The following SMG9 variants were observed in gnomAD, a reference collection of about 807,000 sequenced individuals.
The protein encoded by SMG9 is nonsense-mediated mRNA decay factor SMG9.
In SMG9, 55 loss-of-function variants were observed where a neutral mutation model predicts 64.0. That is an observed-to-expected ratio of 0.86 (90% CI 0.69 to 1.08). The LOEUF is 1.08. SMG9 is among the 50% of genes least tolerant of loss of function. The pLI is 0.00. For missense variants in SMG9, 554 were observed against 681.3 expected, an observed-to-expected ratio of 0.81 and a Z score of 2.08; for synonymous variants, 244 against 254.8, an observed-to-expected ratio of 0.96 and a Z score of 0.41.
At chr19:43,734,678 A>C in intron 9 of SMG9, 183 bp from the exon 10 acceptor site, 2 of 505,706 alleles carry the variant, frequency 4.0e-6, no homozygotes, top group African/African-American at 1.9e-5. Context: ...ATACCAACCC[A>C]TGGACTTACC....
intron 9 of SMG9, among the ~76,000 whole-genome samples, chr19:43,735,689 T>C (rs1280041698): frequency 6.6e-6 from 1 of 151,468 alleles, no homozygotes; most frequent in Non-Finnish European, 1.5e-5. Flanking sequence ...TTTAAAATAA[T>C]TTTTTACAAT....
intron 7 of SMG9, chr19:43,739,850 A>G (rs906947500): frequency 6.1e-6 from 3 of 495,200 alleles, no homozygotes; most frequent in African/African-American, 5.8e-5. Context: ...CAGAACACAC[A>G]TTCTCCAGGG....
intron 12 of SMG9, 68 bp from the exon 13 acceptor site, chr19:43,733,070 C>T (rs1241139959): frequency 1.3e-6 from 2 of 1,529,964 alleles, no homozygotes; most frequent in South Asian, 1.3e-5. Context: ...TTAACAGCAT[C>T]CTGGGCTTCA....
Position 43,731,366 on chromosome 19 carries a change from C to T in SMG9, c.*230G>A. On this transcript the variant is annotated 3_prime_UTR_variant, in exon 14 of 14. Coordinates refer to ENST00000270066, the MANE Select transcript of SMG9 (RefSeq NM_019108.4). ...CCTGTGGAGGACACAGGACGGGCTA[C>T]CCCATCTCAGGTTTGGGGTGGGATC... The T allele has an allele frequency of 2.2e-6, 3 of 1,355,122 alleles. No individual in the cohort carries two copies. The highest frequency in any genetic ancestry group is 1.7e-5 in the South Asian group (1 of 58,490). 83.9% of individuals were successfully genotyped at this position (1,355,122 alleles called of 1,614,324 possible).
intron 13 of SMG9, among the ~76,000 whole-genome samples, chr19:43,731,971 T>G (rs1002302070): frequency 6.6e-6 from 1 of 152,234 alleles, no homozygotes; most frequent in African/African-American, 2.4e-5. Flanking sequence ...GCTTTGTGGG[T>G]GAGGGTTCAG....
Position 43,734,422 on chromosome 19 carries a change from A to G in SMG9, c.1069T>C (p.Ser357Pro). ...PSHESSSSSGSDEGTEYYPHL... is the reference protein window; with the variant it reads ...PSHESSSSSGPDEGTEYYPHL... ...GGGTAGTACTCGGTGCCTTCATCGG[A>G]GCCCGATGAGCTGCTGGACTCGTGG... Residue 357 changes from serine to proline, a missense_variant, in exon 10 of 14, where the codon TCC (serine) becomes CCC (proline). Ser to Pro is a moderately conservative substitution (Grantham distance 74, BLOSUM62 -1). Transcript: ENST00000270066. 1 of 1,559,444 alleles carries G rather than the reference A, an allele frequency of 6.4e-7. No individual in the cohort carries two copies. Among genetic ancestry groups the G allele is most frequent in the South Asian group, 1.2e-5 (1 of 84,586 alleles).
intron 8 of SMG9, 143 bp from the exon 9 acceptor site, chr19:43,737,825 C>T (rs1306953161): frequency 9.2e-6 from 7 of 761,710 alleles, no homozygotes; most frequent in Non-Finnish European, 1.3e-5. Context: ...TGTGATGGCA[C>T]TTCCCTTACA....
In SMG9 at chr19:43,750,341, T is replaced by A. The variant is rs1166040800; in HGVS notation, c.150+251A>T. On this transcript the variant is annotated intron_variant, in intron 2 of 13. Coordinates refer to ENST00000270066, the MANE Select transcript of SMG9 (RefSeq NM_019108.4). ...TTCTTTCTGTCTGGAATGCTCTTCATCTCAGATGCTGGCATGGCTTATTCT... is the reference window on the plus strand; with the variant it reads ...TTCTTTCTGTCTGGAATGCTCTTCAACTCAGATGCTGGCATGGCTTATTCT... 17 of 676,738 alleles carry A rather than the reference T, an allele frequency of 2.5e-5. 1 individual carries two copies. The East Asian group carries it at 4.9e-4, about 19-fold the overall frequency. 41.9% of individuals were successfully genotyped at this position (676,738 alleles called of 1,614,324 possible).
In SMG9 at chr19:43,737,448, G is replaced by C. The variant is rs925202380; in HGVS notation, c.995+149C>G. 38 of 621,064 alleles carry C rather than the reference G, an allele frequency of 6.1e-5. No individual in the cohort carries two copies. The Middle Eastern group carries it at 7.8e-4, about 13-fold the overall frequency. 38.5% of individuals were successfully genotyped at this position (621,064 alleles called of 1,614,324 possible). On this transcript the variant is annotated intron_variant, in intron 9 of 13. Coordinates refer to ENST00000270066, the MANE Select transcript of SMG9 (RefSeq NM_019108.4). ...GCTGTGTGTGCGCGCAGTGCTTTGA[G>C]GGGGAGGTTAGATGGGAGTGATTTG...
At chr19:43,740,822 G>A (rs923261683) in intron 6 of SMG9, among the ~76,000 whole-genome samples, 1 of 152,142 alleles carries the variant, frequency 6.6e-6, no homozygotes, top group Admixed American at 6.5e-5. Context: ...ACTTCTACGT[G>A]TGCTGGGTGC....
Position 43,747,901 on chromosome 19 carries a change from C to A in SMG9, c.226-4G>T. 1 of 1,613,120 alleles carries A rather than the reference C, an allele frequency of 6.2e-7. No individual in the cohort carries two copies. Among genetic ancestry groups the A allele is most frequent in the Non-Finnish European group, 8.5e-7 (1 of 1,179,582 alleles). On this transcript the variant is annotated splice_polypyrimidine_tract_variant and splice_region_variant and intron_variant, in intron 3 of 13. Transcript: ENST00000270066. ...TTGGAGGTGGTGGCTGTTTTGACTA[C>A]GGAGGTAAAAAAAATCCCATCAATG...
chr19:43,735,954 C>A (rs1968653472), intron 9 of SMG9, among the ~76,000 whole-genome samples: 3 of 152,196 alleles, frequency 2.0e-5, no homozygotes, highest in African/African-American at 7.2e-5. Context: ...TTGTTCACAC[C>A]TGTGTCCCTA....
At chr19:43,745,719 C>T (rs1463932340) in intron 5 of SMG9, among the ~76,000 whole-genome samples, 2 of 152,008 alleles carry the variant, frequency 1.3e-5, no homozygotes, top group East Asian at 1.9e-4. Context: ...ATACAAAACC[C>T]GGCTGGGTGC....
chr19:43,752,234 T>C (rs346545), intron 1 of SMG9, among the ~76,000 whole-genome samples: 41,681 of 152,130 alleles, frequency 0.27, 6,436 homozygotes, highest in African/African-American at 0.42. Flanking sequence ...GTTTATTCTA[T>C]TTGAGATGTT....
chr19:43,748,608 A>G (rs747543442), intron 2 of SMG9: 2 of 517,354 alleles, frequency 3.9e-6, no homozygotes, highest in African/African-American at 1.9e-5. Context: ...CCTCTGCCTC[A>G]GCCCCCTCCT....
Position 43,728,330 on chromosome 19 carries a change from G to C in SMG9, c.*3266C>G, listed in dbSNP as rs549534818. The C allele has an allele frequency of 4.6e-5, 7 of 152,766 alleles. No homozygotes were observed. Among genetic ancestry groups the C allele is most frequent in the African/African-American group, 9.7e-5 (4 of 41,428 alleles). 9.5% of individuals were successfully genotyped at this position (152,766 alleles called of 1,614,324 possible). A position where few individuals can be genotyped will look rare whatever the true frequency, so the allele number is the denominator to read the frequency against. The stretch of plus-strand genomic sequence containing the variant: ...AAGTGTGTGCCACCTGCCCCCTCTT[G>C]CTCCTGCTCTGGGCATGTGAAGTAC... On this transcript the variant is annotated 3_prime_UTR_variant, in exon 14 of 14. Transcript: ENST00000270066.
Position 43,737,578 on chromosome 19 carries a change from C to T in SMG9, c.995+19G>A, listed in dbSNP as rs770974095. On this transcript the variant is annotated intron_variant, in intron 9 of 13. Transcript: ENST00000270066. ...TGCCTCATTCCTCCTCCCCACCCTC[C>T]AACCCCTCAGCTCCTCACCTGTAGA... 6.2e-7 allele frequency: 1 copy of T among 1,608,472 alleles called. No homozygotes were observed. The highest frequency in any genetic ancestry group is 8.5e-7 in the Non-Finnish European group (1 of 1,176,764).
chr19:43,737,843 C>T lies in SMG9; in HGVS notation c.910-161G>A, dbSNP rs963077810. 5 of 695,372 alleles carry T rather than the reference C, an allele frequency of 7.2e-6. No individual in the cohort carries two copies. The African/African-American group carries it at 7.2e-5, about 10-fold the overall frequency. The allele number at this position is 695,372 out of a possible 1,614,324, so 43.1% of individuals were successfully genotyped here. A position where few individuals can be genotyped will look rare whatever the true frequency, so the allele number is the denominator to read the frequency against. On this transcript the variant is annotated intron_variant, in intron 8 of 13. Coordinates refer to ENST00000270066, the MANE Select transcript of SMG9 (RefSeq NM_019108.4). ...GATGGCACTTCCCTTACAGGCCATC[C>T]CTAACTCAGGAAAGGTGGGAATTAT...
Position 43,737,654 on chromosome 19 carries a change from G to A in SMG9, c.938C>T (p.Thr313Met), listed in dbSNP as rs753046411. The A allele has an allele frequency of 1.7e-5, 27 of 1,613,878 alleles. No homozygotes were observed. Among genetic ancestry groups the A allele is most frequent in the East Asian group, 2.2e-5 (1 of 44,878 alleles). The change falls in exon 9 of 14, where the codon ACG becomes ATG. Residue 313 changes from threonine (T) to methionine (M), a missense_variant. Coordinates refer to ENST00000270066, the MANE Select transcript of SMG9 (RefSeq NM_019108.4). ...QSLQIAAFLF[T>M]VCHVVIVVQD... ...GACAACAATCACCACATGGCAGACC[G>A]TGAAAAGGAAGGCAGCAATCTGGAG...
Sources: allele counts gnomAD v4.1 joint callset (sites outside exome capture counted in the v4.1 genomes callset), GRCh38; gene constraint gnomAD v4.1.1; transcripts MANE v1.5; gene names NCBI Gene and HGNC (gene_info 2026-07-23, HGNC 2026-07-21).